Variants in PWP1 observed in about 807,000 individuals in gnomAD.
PWP1 encodes PWP1 homolog, endonuclein, also known as periodic tryptophan protein 1 homolog.
PWP1 carries 47 observed loss-of-function variants against 69.9 expected under a neutral mutation model. The observed-to-expected ratio is 0.67, with a 90% confidence interval of 0.53 to 0.86. PWP1 has a LOEUF of 0.86. Ranked by LOEUF, PWP1 falls within the 40% of genes least tolerant of loss-of-function variation. The pLI, the probability that PWP1 is intolerant of heterozygous loss-of-function variation, is 0.00. For missense variants in PWP1, 551 were observed against 608.8 expected (o/e 0.91, Z 1.00); for synonymous variants, 222 against 208.2 (o/e 1.07, Z -0.57).
At position 107,702,993 on chromosome 12, in the gene PWP1, G is replaced by A; in HGVS notation, c.865G>A (p.Gly289Arg). ...TGTAATTCTGTGGGATATGTCCTTGGGGAAACCAGCAGCTAGCCTCGCTGT... is the reference window on the plus strand; with the variant it reads ...TGTAATTCTGTGGGATATGTCCTTGAGGAAACCAGCAGCTAGCCTCGCTGT... ...NTVILWDMSLGKPAASLAVHT... is the reference protein window; with the variant it reads ...NTVILWDMSLRKPAASLAVHT... Residue 289 changes from glycine to arginine, a missense_variant, in exon 9 of 15, where the codon GGG becomes AGG. Physicochemically the swap from Gly to Arg is moderately radical, Grantham distance 125. Transcript: ENST00000412830. 6.2e-7 allele frequency: 1 copy of A among 1,611,682 alleles called. No individual in the cohort carries two copies. Among genetic ancestry groups the A allele is most frequent in the Admixed American group, 1.7e-5 (1 of 59,992 alleles).
chr12:107,693,078 T>G lies in PWP1; in HGVS notation c.484T>G (p.Cys162Gly), dbSNP rs1457087057. 4 of 1,612,272 alleles carry G rather than the reference T, an allele frequency of 2.5e-6. No individual in the cohort carries two copies. The highest frequency in any genetic ancestry group is 2.2e-5 in the South Asian group (2 of 90,474). The change falls in exon 5 of 15, where the codon TGC becomes GGC. Residue 162 changes from cysteine to glycine, a missense_variant. Cys to Gly is a radical substitution (Grantham distance 159, BLOSUM62 -3). Coordinates refer to ENST00000412830, the MANE Select transcript of PWP1 (RefSeq NM_007062.3). Reference sequence around the variant, plus strand: ...TTGTGGCCGAGCTGAACAGGACCAGTGCAATTTAGAGGTGCATGGTAAGTG... The same window carrying G: ...TTGTGGCCGAGCTGAACAGGACCAGGGCAATTTAGAGGTGCATGGTAAGTG... The part of the protein sequence containing the change: ...IVCGRAEQDQ[C>G]NLEVHVYNQE...
chr12:107,692,898 C>T lies in PWP1; in HGVS notation c.404C>T (p.Thr135Ile). ...DQDPYVTLKD[T>I]EQYEREDFLI... ...GATCCTTACGTTACTCTGAAAGATA[C>T]AGTAAGTATTTACATCTTTTTTCTA... The change falls in exon 4 of 15, where the codon ACA becomes ATA. Residue 135 changes from threonine (T) to isoleucine (I), a missense_variant and splice_region_variant. Thr to Ile is a moderately conservative substitution (Grantham distance 89). Coordinates refer to ENST00000412830, the MANE Select transcript of PWP1 (RefSeq NM_007062.3). 4 of 1,613,790 alleles carry T rather than the reference C, an allele frequency of 2.5e-6. No homozygotes were observed. The highest frequency in any genetic ancestry group is 1.1e-5 in the South Asian group (1 of 91,046).
chr12:107,689,682 G>T (rs941556441), intron 3 of PWP1, among the ~76,000 whole-genome samples: 1 of 152,182 alleles, frequency 6.6e-6, no homozygotes, highest in African/African-American at 2.4e-5. Context: ...GGAGGCGGAG[G>T]TTGCAGTGAG....
chr12:107,689,602 C>T lies in PWP1; in HGVS notation c.319+800C>T, dbSNP rs573774573. 9.9e-5 allele frequency among the ~76,000 whole-genome samples: 15 copies of T among 152,252 alleles called. No homozygotes were observed. The South Asian group carries it at 3.1e-3, about 32-fold the overall frequency. On this transcript the variant is annotated intron_variant, in intron 3 of 14. Transcript: ENST00000412830. The stretch of plus-strand genomic sequence containing the variant: ...CTCTACTAAAAATACAAAACTTAGC[C>T]AGGCGTGGTGGCGCACATCTGTAAT...
In PWP1 at chr12:107,712,413, AAGGC is replaced by A. The variant is rs1350584753; in HGVS notation, c.*194_*197del. On this transcript the variant is annotated 3_prime_UTR_variant, in exon 15 of 15. Coordinates refer to ENST00000412830, the MANE Select transcript of PWP1 (RefSeq NM_007062.3). ...CTTGCTCTTCAGATGGATGGTTTGT[AAGGC>A]TCTTGTTGCATTTCTTAAAAAAGAG... The A allele has an allele frequency of 4.2e-6, 2 of 479,856 alleles. No individual in the cohort carries two copies. The highest frequency in any genetic ancestry group is 7.3e-5 in the Admixed American group (2 of 27,238). The allele number at this position is 479,856 out of a possible 1,614,324, so 29.7% of individuals were successfully genotyped here.
intron 13 of PWP1, among the ~76,000 whole-genome samples, chr12:107,710,203 C>T (rs1889919160): frequency 6.6e-6 from 1 of 152,162 alleles, no homozygotes; most frequent in South Asian, 2.1e-4. Flanking sequence ...AACCAGCATG[C>T]TGCGCTTGTC....
chr12:107,710,974 G>GAC (rs1047349517), intron 14 of PWP1, among the ~76,000 whole-genome samples: 1 of 152,116 alleles, frequency 6.6e-6, no homozygotes, highest in Non-Finnish European at 1.5e-5. Context: ...AGGAATTAAA[G>GAC]ACACACACAC....
chr12:107,692,844 G>T lies in PWP1; in HGVS notation c.350G>T (p.Gly117Val), dbSNP rs761701297. ...GAGACTCTTGGTGAATCTCTCTTGG[G>T]TCTTACGGTCTACGGGAGTAATGAT... ...DAETLGESLL[G>V]LTVYGSNDQD... The change falls in exon 4 of 15, where the codon GGT becomes GTT. Residue 117 changes from glycine (G) to valine (V), a missense_variant. Transcript: ENST00000412830. 8.7e-6 allele frequency: 14 copies of T among 1,613,698 alleles called. No homozygotes were observed. The highest frequency in any genetic ancestry group is 1.0e-5 in the Non-Finnish European group (12 of 1,179,812).
intron 14 of PWP1, 50 bp downstream of exon 14, chr12:107,710,560 A>AG: frequency 1.4e-6 from 2 of 1,475,678 alleles, no homozygotes; most frequent in Non-Finnish European, 1.8e-6. Flanking sequence ...TGTAAAAAAA[A>AG]AAAAAAAAAA....
intron 13 of PWP1, 65 bp downstream of exon 13, chr12:107,709,297 C>T: frequency 1.3e-6 from 2 of 1,555,628 alleles, no homozygotes; most frequent in Admixed American, 3.6e-5. Context: ...TTTTCTGGAA[C>T]TTGTGTTGCG....
Position 107,702,185 on chromosome 12 carries a change from T to C in PWP1, c.807-750T>C, listed in dbSNP as rs573136432. ...ATATGAACTTGCCAACTTTGTTCTT[T>C]TTTTCAGTACTATTTTGGCTATTCT... On this transcript the variant is annotated intron_variant, in intron 8 of 14. Coordinates refer to ENST00000412830, the MANE Select transcript of PWP1 (RefSeq NM_007062.3). Among the ~76,000 whole-genome samples, 277 of 152,340 alleles carry C rather than the reference T, an allele frequency of 1.8e-3. 1 individual carries two copies. The highest frequency in any genetic ancestry group is 4.4e-3 in the Admixed American group (67 of 15,294).
rs192505980 is a variant in PWP1, at chr12:107,687,087, T to C, written c.72+1116T>C. 4.8e-3 allele frequency among the ~76,000 whole-genome samples: 732 copies of C among 151,640 alleles called. 1 individual carries two copies. The highest frequency in any genetic ancestry group is 8.3e-3 in the Non-Finnish European group (562 of 67,960). ...AAGTTCTACCAAACAGTAAAAGGGG[T>C]TGATTTGAATGTACTTGACCAAGAT... is the stretch of plus-strand genomic sequence containing the variant. On this transcript the variant is annotated intron_variant, in intron 1 of 14. Transcript: ENST00000412830.
chr12:107,711,494 C>G (rs953674582), intron 14 of PWP1, among the ~76,000 whole-genome samples: 3 of 152,212 alleles, frequency 2.0e-5, no homozygotes, highest in African/African-American at 7.2e-5. Flanking sequence ...AAACAGCCCT[C>G]TCCCCCACAG....
intron 8 of PWP1, among the ~76,000 whole-genome samples, chr12:107,700,618 A>G (rs551244839): frequency 1.3e-5 from 2 of 152,274 alleles, no homozygotes; most frequent in East Asian, 1.9e-4. Flanking sequence ...TACTGTGAAT[A>G]ATGCTGCTAT....
intron 3 of PWP1, among the ~76,000 whole-genome samples, chr12:107,689,925 G>A (rs1889448300): frequency 1.3e-5 from 2 of 152,126 alleles, no homozygotes; most frequent in Non-Finnish European, 1.5e-5. Flanking sequence ...GACAAAGCTC[G>A]CTTTGTTTCT....
chr12:107,704,036 G>A (rs1889765249), intron 10 of PWP1, among the ~76,000 whole-genome samples: 1 of 152,214 alleles, frequency 6.6e-6, no homozygotes, highest in Non-Finnish European at 1.5e-5. Flanking sequence ...CATGGATATA[G>A]GGAGACATGA....
chr12:107,701,311 G>T (rs1889705175), intron 8 of PWP1, among the ~76,000 whole-genome samples: 1 of 151,998 alleles, frequency 6.6e-6, no homozygotes, highest in Non-Finnish European at 1.5e-5. Flanking sequence ...CCTGTTTTTT[G>T]TGTTTGATGT....
chr12:107,693,978 CCTTT>C (rs1889534223), intron 5 of PWP1, among the ~76,000 whole-genome samples: 1 of 152,152 alleles, frequency 6.6e-6, no homozygotes, highest in South Asian at 2.1e-4. Flanking sequence ...ATCGTGATCA[CCTTT>C]CTTACTTAAG....
In PWP1 at chr12:107,688,838, A is replaced by G. The variant is rs573837729; in HGVS notation, c.319+36A>G. ...CCACTTCTGATGGTTTGTAATTACA[A>G]GCTCAATATGTTGGATCATGTTTGT... On this transcript the variant is annotated intron_variant, in intron 3 of 14. Coordinates refer to ENST00000412830, the MANE Select transcript of PWP1 (RefSeq NM_007062.3). 64 of 1,578,066 alleles carry G rather than the reference A, an allele frequency of 4.1e-5. No homozygotes were observed. In the East Asian group the frequency reaches 1.2e-3, roughly 31 times the overall value.
Sources: allele counts gnomAD v4.1 joint callset (sites outside exome capture counted in the v4.1 genomes callset), GRCh38; gene constraint gnomAD v4.1.1; transcripts MANE v1.5; gene names NCBI Gene and HGNC (gene_info 2026-07-23, HGNC 2026-07-21).